Variants in PCDH15 observed in about 807,000 individuals in gnomAD.
PCDH15 encodes protocadherin-15.
A neutral mutation model predicts 178.5 loss-of-function variants in PCDH15; 129 were observed. That is an observed-to-expected ratio of 0.72 (90% CI 0.63 to 0.84). The LOEUF (loss-of-function observed/expected upper bound fraction) is 0.84, where lower values mean the gene tolerates loss of function less well. Among genes scored for constraint, PCDH15 ranks in the 40% least tolerant of loss-of-function variants. The probability of loss-of-function intolerance (pLI) is 0.00; values close to 1 mark genes in which losing one functional copy is unlikely to be tolerated. For synonymous variants in PCDH15, 800 were observed against 732.0 expected (o/e 1.09, Z -1.50); for missense variants, 2,230 against 2,099.9 (o/e 1.06, Z -1.21).
chr10:55,589,643 A>G (rs1554801554), intron 2 of PCDH15, among the ~76,000 whole-genome samples: 2 of 152,118 alleles, frequency 1.3e-5, no homozygotes, highest in African/African-American at 4.8e-5. Flanking sequence ...CCATCAAAAA[A>G]TGGGCGAAGG....
At chr10:54,554,799 T>C (rs1211007717) in intron 2 of PCDH15, among the ~76,000 whole-genome samples, 4 of 152,102 alleles carry the variant, frequency 2.6e-5, no homozygotes, top group Non-Finnish European at 2.9e-5. Context: ...AATGACTTCA[T>C]TGACAAACAG....
intron 3 of PCDH15, among the ~76,000 whole-genome samples, chr10:54,877,687 G>A (rs561891133): frequency 2.0e-5 from 3 of 152,134 alleles, no homozygotes; most frequent in African/African-American, 7.2e-5. Context: ...CACTTAGTTT[G>A]GGAGAGAAGT....
intron 2 of PCDH15, among the ~76,000 whole-genome samples, chr10:54,652,164 G>A (rs2094277757): frequency 6.6e-6 from 1 of 152,070 alleles, no homozygotes; most frequent in East Asian, 1.9e-4. Flanking sequence ...GGAATTATCT[G>A]GTCACATTTT....
intron 15 of PCDH15, among the ~76,000 whole-genome samples, chr10:54,101,890 A>C (rs2094819131): frequency 6.6e-6 from 1 of 152,070 alleles, no homozygotes; most frequent in South Asian, 2.1e-4. Context: ...TGGGAGGATA[A>C]CTTGAGCCCT....
At chr10:55,450,633 A>G (rs758620300) in intron 2 of PCDH15, among the ~76,000 whole-genome samples, 17 of 152,066 alleles carry the variant, frequency 1.1e-4, no homozygotes, top group Non-Finnish European at 2.4e-4. Context: ...CAGTAGTTCT[A>G]TTGTATAGTC....
chr10:55,457,811 T>A (rs200550470), intron 2 of PCDH15, among the ~76,000 whole-genome samples: 1 of 11,368 alleles, frequency 8.8e-5, no homozygotes, highest in Admixed American at 1.0e-3. Flanking sequence ...CATAAATCAT[T>A]TTCAAAGTTA....
intron 13 of PCDH15, among the ~76,000 whole-genome samples, chr10:54,173,167 A>G (rs2047081409): frequency 6.6e-6 from 1 of 152,170 alleles, no homozygotes; most frequent in African/African-American, 2.4e-5. Context: ...ACACTTAATA[A>G]TGTTTAATTT....
chr10:53,888,310 G>GTATATATATACGTATATATATGTACGTA (rs1554845230), intron 26 of PCDH15, among the ~76,000 whole-genome samples: 1 of 28,712 alleles, frequency 3.5e-5, no homozygotes, highest in African/African-American at 9.0e-5. Flanking sequence ...ATATATATAT[G>GTATATATATACGTATATATATGTACGTA]TATATATGTA....
chr10:54,319,156 A>T (rs563174619), intron 7 of PCDH15, among the ~76,000 whole-genome samples: 10 of 152,264 alleles, frequency 6.6e-5, no homozygotes, highest in Non-Finnish European at 1.0e-4. Flanking sequence ...TTTAGTTATT[A>T]TTTTGAAGAA....
rs1277858766 is a variant in PCDH15 at position 55,328,735 on chromosome 10, CATA to C, written c.-155-162087_-155-162085del. Among the ~76,000 whole-genome samples the C allele has an allele frequency of 2.0e-5, 3 of 151,136 alleles. No individual in the cohort carries two copies. In the East Asian group the frequency reaches 5.8e-4, roughly 29 times the overall value. ...CTAAACAATACAGTACAATTATTTA[CATA>C]ATATTTACATTTTATTCGGTACCGT... On this transcript the variant is annotated intron_variant, in intron 2 of 5. Transcript: ENST00000613346.
chr10:55,569,718 T>G (rs939976921), intron 2 of PCDH15, among the ~76,000 whole-genome samples: 1 of 151,972 alleles, frequency 6.6e-6, no homozygotes, highest in African/African-American at 2.4e-5. Context: ...AATATGCTAT[T>G]TTCAGAAATA....
intron 2 of PCDH15, among the ~76,000 whole-genome samples, chr10:54,945,588 C>A (rs1188930739): frequency 2.0e-5 from 3 of 151,262 alleles, no homozygotes; most frequent in Admixed American, 6.6e-5. Flanking sequence ...GGTAAATATT[C>A]ATAAATTGGA....
intron 1 of PCDH15, among the ~76,000 whole-genome samples, chr10:54,794,064 G>A (rs1298575789): frequency 6.9e-6 from 1 of 145,602 alleles, no homozygotes. Context: ...CTAAGAAACT[G>A]CTTTGAGATA....
At chr10:54,568,458 A>C (rs2089342620) in intron 2 of PCDH15, 1 of 152,120 alleles carries the variant, frequency 6.6e-6, no homozygotes, top group South Asian at 2.1e-4. Context: ...ACTTTTAAAA[A>C]ACTGTAAAAT....
At chr10:53,878,580 C>A (rs2080458461) in intron 26 of PCDH15, among the ~76,000 whole-genome samples, 1 of 149,030 alleles carries the variant, frequency 6.7e-6, no homozygotes, top group South Asian at 2.1e-4. Flanking sequence ...GCTTAAATGA[C>A]CCCTTTTCTG....
At chr10:54,149,380 CT>C (rs1191541847) in intron 14 of PCDH15, among the ~76,000 whole-genome samples, 2 of 152,024 alleles carry the variant, frequency 1.3e-5, no homozygotes, top group Non-Finnish European at 1.5e-5. Flanking sequence ...TGAAAGGAAA[CT>C]TTTCCTATCA....
intron 3 of PCDH15, among the ~76,000 whole-genome samples, chr10:54,477,743 G>A (rs1164892567): frequency 6.6e-6 from 1 of 152,090 alleles, no homozygotes; most frequent in Non-Finnish European, 1.5e-5. Context: ...TTACAGGCGT[G>A]TGCCAACACG....
intron 8 of PCDH15, among the ~76,000 whole-genome samples, chr10:54,287,337 A>G (rs1404632084): frequency 1.3e-5 from 2 of 152,292 alleles, no homozygotes; most frequent in African/African-American, 2.4e-5. Context: ...CAATTTTACT[A>G]TTTTGTTTAT....
chr10:54,497,357 C>A (rs888878914), intron 3 of PCDH15, among the ~76,000 whole-genome samples: 1 of 151,962 alleles, frequency 6.6e-6, no homozygotes, highest in Non-Finnish European at 1.5e-5. Flanking sequence ...GAGAAAGAAC[C>A]AGCACAAGAA....
Sources: gnomAD v4.1 joint callset for allele counts (sites outside exome capture counted in the v4.1 genomes callset) on GRCh38, gnomAD v4.1.1 for gene constraint, MANE v1.5 for transcripts, NCBI Gene and HGNC (gene_info 2026-07-23, HGNC 2026-07-21) for gene names.